VTI1B: variants seen among roughly 807,000 people sequenced by gnomAD.
The protein encoded by VTI1B is vesicle transport through interaction with t-SNAREs 1B, also known as vesicle transport through interaction with t-SNAREs homolog 1B.
A neutral mutation model predicts 28.6 loss-of-function variants in VTI1B; 18 were observed. The ratio of observed to expected loss-of-function variants is 0.63; its 90% CI spans 0.43 to 0.93. The LOEUF (loss-of-function observed/expected upper bound fraction) is 0.93. VTI1B is among the 40% of genes least tolerant of loss of function. VTI1B has a pLI of 0.00. For synonymous variants in VTI1B, 100 were observed against 107.9 expected (o/e 0.93, Z 0.46); for missense variants, 283 against 297.0 (o/e 0.95, Z 0.35).
In VTI1B at chr14:67,651,285, T is replaced by TGTCA. The variant is rs773999577; in HGVS notation, c.*96_*99dup. On this transcript the variant is annotated 3_prime_UTR_variant, in exon 6 of 6. Transcript: ENST00000554659. ...CTGGCTATACAGTGCATCCTTGAAC[T>TGTCA]GTCAGCCCACAGCAGCAATATGCTT... 2 of 1,599,386 alleles carry TGTCA rather than the reference T, an allele frequency of 1.3e-6. No individual in the cohort carries two copies. The highest frequency in any genetic ancestry group is 1.7e-5 in the Admixed American group (1 of 59,262).
intron 4 of VTI1B, among the ~76,000 whole-genome samples, chr14:67,655,902 T>C (rs998122080): frequency 2.0e-5 from 3 of 152,076 alleles, no homozygotes; most frequent in Admixed American, 1.3e-4. Context: ...GTCTAAATCT[T>C]AGGGGTAAAA....
At chr14:67,658,246 A>AGATTT (rs1373284163) in intron 3 of VTI1B, among the ~76,000 whole-genome samples, 1 of 152,252 alleles carries the variant, frequency 6.6e-6, no homozygotes, top group East Asian at 1.9e-4. Flanking sequence ...AACTTCAGAC[A>AGATTT]GATTTGGAAC....
At chr14:67,658,619 G>A (rs2037296710) in intron 3 of VTI1B, among the ~76,000 whole-genome samples, 1 of 152,108 alleles carries the variant, frequency 6.6e-6, no homozygotes, top group South Asian at 2.1e-4. Flanking sequence ...AATAATTTCT[G>A]AAACTCATAA....
At chr14:67,657,706 G>C (rs1210860741) in intron 3 of VTI1B, among the ~76,000 whole-genome samples, 2 of 151,634 alleles carry the variant, frequency 1.3e-5, no homozygotes, top group South Asian at 2.1e-4. Context: ...GGAGCCAAAA[G>C]ATTGGCTCCC....
rs764574917 is a variant in VTI1B at position 67,656,548 on chromosome 14, A to G, written c.408T>C (p.Thr136=). 6.2e-6 allele frequency: 10 copies of G among 1,613,778 alleles called. No individual in the cohort carries two copies. The highest frequency in any genetic ancestry group is 1.6e-4 in the Middle Eastern group (1 of 6,084). ...TTTGGGTGGCCCGGTTCAGGCTTTC[A>G]GTGCCCTGCAGAAGCATTGCCCTTT... is the stretch of plus-strand genomic sequence containing the variant. The part of the protein sequence containing the change: ...QSQRAMLLQG[T]ESLNRATQSI... The change falls in exon 4 of 6, where the codon ACT becomes ACC. Residue 136 remains threonine, a synonymous_variant. Coordinates refer to ENST00000554659, the MANE Select transcript of VTI1B (RefSeq NM_006370.3).
At chr14:67,662,280 G>A (rs537784689) in intron 2 of VTI1B, among the ~76,000 whole-genome samples, 197 bp downstream of exon 2, 1 of 152,080 alleles carries the variant, frequency 6.6e-6, no homozygotes, top group African/African-American at 2.4e-5. Context: ...TCACATTTCA[G>A]GAGCATCTTC....
Position 67,647,261 on chromosome 14 carries a change from C to T in VTI1B, c.*4124G>A, listed in dbSNP as rs1464283859. On this transcript the variant is annotated 3_prime_UTR_variant, in exon 6 of 6. Coordinates refer to ENST00000554659, the MANE Select transcript of VTI1B (RefSeq NM_006370.3). Reference sequence around the variant, plus strand: ...TTCTGTCTCATGAATTTTTCTTTATCTCCATCTTTAATGCTTATCTTCTGA... The same window carrying T: ...TTCTGTCTCATGAATTTTTCTTTATTTCCATCTTTAATGCTTATCTTCTGA... 5 of 430,496 alleles carry T rather than the reference C, an allele frequency of 1.2e-5. No individual in the cohort carries two copies. The highest frequency in any genetic ancestry group is 1.7e-5 in the Non-Finnish European group (4 of 242,326). 26.7% of individuals were successfully genotyped at this position (430,496 alleles called of 1,614,324 possible). A position where few individuals can be genotyped will look rare whatever the true frequency, so the allele number is the denominator to read the frequency against.
rs146609124 is a variant in VTI1B at position 67,650,441 on chromosome 14, G to A, written c.*944C>T. 4 of 418,154 alleles carry A rather than the reference G, an allele frequency of 9.6e-6. No individual in the cohort carries two copies. The highest frequency in any genetic ancestry group is 8.7e-5 in the East Asian group (2 of 22,992). 25.9% of individuals were successfully genotyped at this position (418,154 alleles called of 1,614,324 possible). On this transcript the variant is annotated 3_prime_UTR_variant, in exon 6 of 6. Transcript: ENST00000554659. ...ACCAAGCCTTTTCCTTTTCCAGAAC[G>A]CCTGACAATTATGCCTGTTATGTTA...
At position 67,674,415 on chromosome 14, in the gene VTI1B, T is replaced by C; in HGVS notation, c.75A>G (p.Leu25=). Residue 25 remains leucine (L), a synonymous_variant, in exon 1 of 6, where the codon CTA becomes CTG. Coordinates refer to ENST00000554659, the MANE Select transcript of VTI1B (RefSeq NM_006370.3). ...CCAGCAGCCGCTCGGGCACCCCTTG[T>C]AGGTCTTCATGGAGGCCGCGGAAGA... ...HEIFRGLHED[L]QGVPERLLGT... 2 of 1,607,402 alleles carry C rather than the reference T, an allele frequency of 1.2e-6. No homozygotes were observed. The highest frequency in any genetic ancestry group is 1.7e-6 in the Non-Finnish European group (2 of 1,178,132).
At chr14:67,651,570 G>A in intron 5 of VTI1B, 89 bp from the exon 6 acceptor site, 2 of 1,426,258 alleles carry the variant, frequency 1.4e-6, no homozygotes, top group South Asian at 2.6e-5. Context: ...ACCACGGCTG[G>A]ATACTCTGAG....
Position 67,647,868 on chromosome 14 carries a change from T to C in VTI1B, c.*3517A>G, listed in dbSNP as rs1594830738. 6 of 636,380 alleles carry C rather than the reference T, an allele frequency of 9.4e-6. No individual in the cohort carries two copies. Among genetic ancestry groups the C allele is most frequent in the Non-Finnish European group, 8.0e-6 (3 of 374,466 alleles). 39.4% of individuals were successfully genotyped at this position (636,380 alleles called of 1,614,324 possible). On this transcript the variant is annotated 3_prime_UTR_variant, in exon 6 of 6. Transcript: ENST00000554659. ...TGAAGTGGTATGTAGGAAGTTAATA[T>C]TGCCAATCTCAGTAACTTCCAAGAA... is the stretch of plus-strand genomic sequence containing the variant.
intron 4 of VTI1B, among the ~76,000 whole-genome samples, chr14:67,655,347 A>G (rs928133505): frequency 1.3e-5 from 2 of 152,034 alleles, no homozygotes; most frequent in Non-Finnish European, 2.9e-5. Context: ...AAAAATTCCT[A>G]TGTAGGTTAA....
chr14:67,667,754 G>C (rs7156038), intron 1 of VTI1B, among the ~76,000 whole-genome samples: 147,681 of 152,218 alleles, frequency 0.97, 71,773 homozygotes, highest in East Asian at 1. Flanking sequence ...ACCATCCTGG[G>C]TGACACAGTG....
At position 67,674,573 on chromosome 14, in the gene VTI1B, G is replaced by A; in HGVS notation, c.-84C>T. On this transcript the variant is annotated 5_prime_UTR_variant, in exon 1 of 6. Coordinates refer to ENST00000554659, the MANE Select transcript of VTI1B (RefSeq NM_006370.3). ...GCCCGGCGGTCAGCCGCCCAGCCCA[G>A]TGGCCATAACGGCGACCGCCGCACC... 1.0e-5 allele frequency: 13 copies of A among 1,250,630 alleles called. No homozygotes were observed. Among genetic ancestry groups the A allele is most frequent in the Non-Finnish European group, 1.4e-5 (13 of 944,252 alleles). 77.5% of individuals were successfully genotyped at this position (1,250,630 alleles called of 1,614,324 possible).
rs936964877 is a variant in VTI1B at position 67,663,101 on chromosome 14, A to G, written c.116-566T>C. 4.0e-6 allele frequency: 6 copies of G among 1,512,872 alleles called. No individual in the cohort carries two copies. The African/African-American group carries it at 8.3e-5, about 21-fold the overall frequency. 93.7% of individuals were successfully genotyped at this position (1,512,872 alleles called of 1,614,324 possible). A position where few individuals can be genotyped will look rare whatever the true frequency, so the allele number is the denominator to read the frequency against. ...TGTGGCACCGGCAATGACTTGAACG[A>G]TGAGAACGTTATTCATTCCCCTTTC... On this transcript the variant is annotated intron_variant, in intron 1 of 5. Coordinates refer to ENST00000554659, the MANE Select transcript of VTI1B (RefSeq NM_006370.3).
At chr14:67,653,363 TA>T in intron 5 of VTI1B, 73 bp downstream of exon 5, 2 of 1,351,026 alleles carry the variant, frequency 1.5e-6, no homozygotes, top group Middle Eastern at 3.6e-4. Flanking sequence ...AGGACCTTTG[TA>T]AGTCACTATT....
intron 3 of VTI1B, among the ~76,000 whole-genome samples, chr14:67,658,809 A>G (rs2037299684): frequency 6.6e-6 from 1 of 152,280 alleles, no homozygotes; most frequent in African/African-American, 2.4e-5. Flanking sequence ...GAAAATTTTA[A>G]GTACTTCATT....
At chr14:67,672,719 A>G (rs1323803723) in intron 1 of VTI1B, among the ~76,000 whole-genome samples, 1 of 152,194 alleles carries the variant, frequency 6.6e-6, no homozygotes, top group African/African-American at 2.4e-5. Flanking sequence ...CTGGAATTAC[A>G]GGTGTGAGCC....
In VTI1B at chr14:67,648,062, C is replaced by A. The variant is rs1436788358; in HGVS notation, c.*3323G>T. Reference sequence around the variant, plus strand: ...TCCTTTTTAGGAGACAAAGACCAATCCATTTGAGTTTTGATATTGATGCAT... The same window carrying A: ...TCCTTTTTAGGAGACAAAGACCAATACATTTGAGTTTTGATATTGATGCAT... On this transcript the variant is annotated 3_prime_UTR_variant, in exon 6 of 6. Coordinates refer to ENST00000554659, the MANE Select transcript of VTI1B (RefSeq NM_006370.3). 2 of 1,612,456 alleles carry A rather than the reference C, an allele frequency of 1.2e-6. No individual in the cohort carries two copies. Among genetic ancestry groups the A allele is most frequent in the Non-Finnish European group, 1.7e-6 (2 of 1,179,068 alleles).
Sources: allele counts gnomAD v4.1 joint callset (sites outside exome capture counted in the v4.1 genomes callset), GRCh38; gene constraint gnomAD v4.1.1; transcripts MANE v1.5; gene names NCBI Gene and HGNC (gene_info 2026-07-23, HGNC 2026-07-21).